FRK: variants seen among roughly 807,000 people sequenced by gnomAD.
FRK encodes fyn related Src family tyrosine kinase, also known as tyrosine-protein kinase FRK.
In FRK, 51 loss-of-function variants were observed where a neutral mutation model predicts 56.4. The observed-to-expected ratio is 0.90, with a 90% CI of 0.72 to 1.14. The LOEUF is 1.14. Ranked by LOEUF, FRK falls within the 50% of genes most tolerant of loss-of-function variation. The pLI is 0.00. For missense variants in FRK, 570 were observed against 601.4 expected, an observed-to-expected ratio of 0.95 and a Z score of 0.55; for synonymous variants, 245 against 217.9, an observed-to-expected ratio of 1.12 and a Z score of -1.10.
At chr6:116,047,439 C>G (rs1342005885) in intron 1 of FRK, among the ~76,000 whole-genome samples, 1 of 146,788 alleles carries the variant, frequency 6.8e-6, no homozygotes, top group African/African-American at 2.5e-5. Context: ...GCTCTGTTGC[C>G]CAGGCTGGAG....
intron 5 of FRK, among the ~76,000 whole-genome samples, chr6:115,947,104 G>A (rs1251185539): frequency 6.6e-6 from 1 of 152,086 alleles, no homozygotes; most frequent in Non-Finnish European, 1.5e-5. Flanking sequence ...ATAGTGTGGG[G>A]TTGTAATTGA....
At chr6:116,005,815 TC>T (rs1267076884) in intron 1 of FRK, among the ~76,000 whole-genome samples, 50 of 152,264 alleles carry the variant, frequency 3.3e-4, no homozygotes, top group African/African-American at 1.2e-3. Flanking sequence ...AATGGATGAC[TC>T]AATAAATAAC....
chr6:116,020,669 T>C (rs1028026117), intron 1 of FRK, among the ~76,000 whole-genome samples: 1 of 152,204 alleles, frequency 6.6e-6, no homozygotes, highest in African/African-American at 2.4e-5. Flanking sequence ...CCAAATTACA[T>C]ATTCTATAGG....
intron 1 of FRK, among the ~76,000 whole-genome samples, chr6:116,058,910 C>CAA (rs3049930): frequency 0.3 from 23,243 of 78,090 alleles, 3,218 homozygotes; most frequent in Middle Eastern, 0.38. Context: ...GACTCCGTCT[C>CAA]AAAAAAAAAA....
At chr6:116,100,356 T>A in the FRK span, among the ~76,000 whole-genome samples, 1 of 152,230 alleles carries the variant, frequency 6.6e-6, no homozygotes, top group Non-Finnish European at 1.5e-5. Flanking sequence ...AGTTTTTGGT[T>A]TAAACCACTA....
At chr6:115,981,296 A>C (rs1409440085) in intron 2 of FRK, among the ~76,000 whole-genome samples, 1 of 152,022 alleles carries the variant, frequency 6.6e-6, no homozygotes, top group East Asian at 1.9e-4. Flanking sequence ...GTGAACTATC[A>C]GAAATTTTAA....
In FRK at chr6:115,933,653, A is replaced by G. The variant is rs1771995278; in HGVS notation, c.*8761T>C. ...TAGCTACCAAAAAGAAACAAACTAT[A>G]TAGTGGCTGAATTTGCATATTGAAA... On this transcript the variant is annotated 3_prime_UTR_variant, in exon 8 of 8. Transcript: ENST00000606080. 1 of 152,202 alleles carries G rather than the reference A, an allele frequency of 6.6e-6. No homozygotes were observed. Among genetic ancestry groups the G allele is most frequent in the Non-Finnish European group, 1.5e-5 (1 of 68,010 alleles). The allele number at this position is 152,202 out of a possible 1,614,324, so 9.4% of individuals were successfully genotyped here.
At chr6:115,979,829 T>C (rs1562268372) in intron 2 of FRK, among the ~76,000 whole-genome samples, 1 of 152,160 alleles carries the variant, frequency 6.6e-6, no homozygotes, top group Non-Finnish European at 1.5e-5. Flanking sequence ...GTTTGTAGCC[T>C]AGGAGCAATA....
intron 2 of FRK, among the ~76,000 whole-genome samples, chr6:115,971,754 C>T (rs567550021): frequency 6.6e-6 from 1 of 152,290 alleles, no homozygotes; most frequent in South Asian, 2.1e-4. Flanking sequence ...GATCAGATGT[C>T]GAATCTTCTC....
intron 2 of FRK, among the ~76,000 whole-genome samples, chr6:115,982,618 C>G (rs966913129): frequency 7.2e-5 from 11 of 152,066 alleles, no homozygotes; most frequent in Non-Finnish European, 1.3e-4. Flanking sequence ...TCCTAATGAC[C>G]CTTACTCATT....
At position 115,932,951 on chromosome 6, in the gene FRK, G is replaced by A. The variant is rs1176071419; in HGVS notation, c.*9463C>T. Reference sequence around the variant, plus strand: ...GGCTAGTTCTTTGTCTGTCTTTTAAGTCAACCCATTCCCACAGCCAGTTTG... The same window carrying A: ...GGCTAGTTCTTTGTCTGTCTTTTAAATCAACCCATTCCCACAGCCAGTTTG... On this transcript the variant is annotated 3_prime_UTR_variant, in exon 8 of 8. Transcript: ENST00000606080. 2 of 152,162 alleles carry A rather than the reference G, an allele frequency of 1.3e-5. No individual in the cohort carries two copies. Among genetic ancestry groups the A allele is most frequent in the East Asian group, 3.9e-4 (2 of 5,190 alleles). 9.4% of individuals were successfully genotyped at this position (152,162 alleles called of 1,614,324 possible).
chr6:116,055,308 A>G (rs1777348252), intron 1 of FRK, among the ~76,000 whole-genome samples: 1 of 152,190 alleles, frequency 6.6e-6, no homozygotes, highest in Non-Finnish European at 1.5e-5. Flanking sequence ...ACATTCTAAC[A>G]TTTTTATACC....
intron 1 of FRK, among the ~76,000 whole-genome samples, chr6:116,041,949 G>T (rs527769383): frequency 6.6e-6 from 1 of 152,308 alleles, no homozygotes; most frequent in East Asian, 1.9e-4. Context: ...CAGTGGTCTA[G>T]CTCAGCAGAT....
chr6:116,059,407 A>T (rs966126084), intron 1 of FRK, among the ~76,000 whole-genome samples: 4 of 150,202 alleles, frequency 2.7e-5, no homozygotes, highest in South Asian at 2.1e-4. Context: ...TCTGGGAATT[A>T]AAAAAAAATC....
At chr6:116,032,571 A>C (rs1426284162) in intron 1 of FRK, among the ~76,000 whole-genome samples, 1 of 152,126 alleles carries the variant, frequency 6.6e-6, no homozygotes, top group Admixed American at 6.6e-5. Flanking sequence ...TGCATAATCC[A>C]CTCAGCATTG....
At chr6:116,001,099 G>A (rs1047289484) in intron 2 of FRK, among the ~76,000 whole-genome samples, 15 of 152,098 alleles carry the variant, frequency 9.9e-5, no homozygotes, top group African/African-American at 3.1e-4. Flanking sequence ...TTAGCCAGAT[G>A]TGGTGGCACA....
At chr6:116,051,263 A>G (rs1470375185) in intron 1 of FRK, among the ~76,000 whole-genome samples, 1 of 152,188 alleles carries the variant, frequency 6.6e-6, no homozygotes, top group Non-Finnish European at 1.5e-5. Flanking sequence ...CACGGAAATC[A>G]TGAAAAAAGT....
At chr6:116,011,677 G>A (rs943303919) in intron 1 of FRK, among the ~76,000 whole-genome samples, 12 of 152,110 alleles carry the variant, frequency 7.9e-5, no homozygotes, top group East Asian at 1.9e-4. Context: ...GGCAGGCATC[G>A]CTGTCACCCA....
intron 7 of FRK, 74 bp downstream of exon 7, chr6:115,942,946 G>A (rs970069561): frequency 2.1e-5 from 31 of 1,455,724 alleles, no homozygotes; most frequent in Admixed American, 5.9e-5. Context: ...CTCTAAGTCT[G>A]GGCAAAGCAG....
Sources: allele counts gnomAD v4.1 joint callset (sites outside exome capture counted in the v4.1 genomes callset), GRCh38; gene constraint gnomAD v4.1.1; transcripts MANE v1.5; gene names NCBI Gene and HGNC (gene_info 2026-07-23, HGNC 2026-07-21).